Variants in RFXANK observed in about 807,000 individuals in gnomAD.
RFXANK encodes regulatory factor X associated ankyrin containing protein.
Under a neutral mutation model 34.5 loss-of-function variants are expected in RFXANK, and 19 were observed. The ratio of observed to expected loss-of-function variants is 0.55; its 90% CI spans 0.38 to 0.81. RFXANK has a LOEUF of 0.81. Among genes scored for constraint, RFXANK ranks in the 30% least tolerant of loss-of-function variants. The pLI is 0.00. For missense variants in RFXANK, 295 were observed against 343.5 expected (o/e 0.86, Z 1.12); for synonymous variants, 154 against 149.8 (o/e 1.03, Z -0.20).
intron 8 of RFXANK, 30 bp downstream of exon 8, chr19:19,198,753 GC>G (rs1568581941): frequency 6.2e-7 from 1 of 1,610,512 alleles, no homozygotes. Flanking sequence ...GGCCCTGGGG[GC>G]CCCAGCACTC....
chr19:19,201,761 G>C lies in RFXANK; in HGVS notation c.*42G>C. ...ACTCAGACACTCAGGGAACAAAATG[G>C]TCAGCCAGAGCTGGGGAAACCCAGA... On this transcript the variant is annotated 3_prime_UTR_variant, in exon 10 of 10. Transcript: ENST00000303088. 4.3e-6 allele frequency: 7 copies of C among 1,613,580 alleles called. No individual in the cohort carries two copies. The highest frequency in any genetic ancestry group is 5.9e-6 in the Non-Finnish European group (7 of 1,179,910).
chr19:19,200,277 A>C (rs545960336), intron 9 of RFXANK, among the ~76,000 whole-genome samples: 100 of 149,532 alleles, frequency 6.7e-4, no homozygotes, highest in African/African-American at 2.3e-3. Flanking sequence ...TCCCAGGTTC[A>C]AGCGATTCTC....
intron 7 of RFXANK, 59 bp downstream of exon 7, chr19:19,198,291 A>T: frequency 6.2e-7 from 1 of 1,607,756 alleles, no homozygotes; most frequent in Non-Finnish European, 8.5e-7. Context: ...CCTGCCTCAA[A>T]TGTTCACAGA....
At chr19:19,196,682 T>C (rs1440040097) in intron 3 of RFXANK, among the ~76,000 whole-genome samples, 1 of 151,660 alleles carries the variant, frequency 6.6e-6, no homozygotes, top group East Asian at 1.9e-4. Context: ...CTGGCCAACA[T>C]AGCGAAACCC....
chr19:19,193,719 C>G (rs914686851), intron 2 of RFXANK, among the ~76,000 whole-genome samples: 1 of 152,050 alleles, frequency 6.6e-6, no homozygotes, highest in East Asian at 1.9e-4. Flanking sequence ...CTGCCAGAGC[C>G]CAGGCTCTTA....
chr19:19,195,343 C>G (rs2060581516), intron 3 of RFXANK, among the ~76,000 whole-genome samples: 1 of 139,306 alleles, frequency 7.2e-6, no homozygotes, highest in Non-Finnish European at 1.5e-5. Flanking sequence ...GAGACAGAAT[C>G]TTGCTCTGTT....
chr19:19,195,240 T>C (rs950245403), intron 3 of RFXANK, among the ~76,000 whole-genome samples: 2 of 148,902 alleles, frequency 1.3e-5, no homozygotes, highest in Non-Finnish European at 3.0e-5. Context: ...GGTTTGCTTT[T>C]GTTGCCCAGG....
rs1197099934 is a variant in RFXANK at position 19,194,121 on chromosome 19, T to G, written c.175T>G (p.Ser59Ala). ...GAATCCTGAACCGGATGCCAGTGTTTCCTCTCCACAGGGTAGGATACCTCC... is the reference window on the plus strand; with the variant it reads ...GAATCCTGAACCGGATGCCAGTGTTGCCTCTCCACAGGGTAGGATACCTCC... The part of the protein sequence containing the change: ...PVNPEPDASV[S>A]SPQAGSSLKH... Residue 59 changes from serine to alanine, a missense_variant, in exon 3 of 10, where the codon TCC becomes GCC. Transcript: ENST00000303088. 1 of 1,614,200 alleles carries G rather than the reference T, an allele frequency of 6.2e-7. No individual in the cohort carries two copies. The highest frequency in any genetic ancestry group is 1.7e-5 in the Admixed American group (1 of 60,002).
chr19:19,201,732 G>T lies in RFXANK; in HGVS notation c.*13G>T. On this transcript the variant is annotated 3_prime_UTR_variant, in exon 10 of 10. Coordinates refer to ENST00000303088, the MANE Select transcript of RFXANK (RefSeq NM_003721.4). ...TGACCCTGAGTGAAGGCCGCCTGCC[G>T]GGGACTCAGACACTCAGGGAACAAA... 1 of 1,613,700 alleles carries T rather than the reference G, an allele frequency of 6.2e-7. No individual in the cohort carries two copies. Among genetic ancestry groups the T allele is most frequent in the Non-Finnish European group, 8.5e-7 (1 of 1,179,948 alleles).
At chr19:19,198,038 C>T in intron 6 of RFXANK, 69 bp from the exon 7 acceptor site, 1 of 1,579,954 alleles carries the variant, frequency 6.3e-7, no homozygotes. Context: ...GATGCGGCTG[C>T]TGTGGGTACC....
At position 19,197,565 on chromosome 19, in the gene RFXANK, C is replaced by T; in HGVS notation, c.382C>T (p.Leu128Phe). The T allele has an allele frequency of 6.2e-7, 1 of 1,613,954 alleles. No individual in the cohort carries two copies. The highest frequency in any genetic ancestry group is 8.5e-7 in the Non-Finnish European group (1 of 1,180,030). The part of the protein sequence containing the change: ...NKPDERGFTP[L>F]IWASAFGEIE... ...GCCAGACGAGCGCGGCTTCACCCCCCTCATCTGGGCCTCCGCCTTTGGAGA... is the reference window on the plus strand; with the variant it reads ...GCCAGACGAGCGCGGCTTCACCCCCTTCATCTGGGCCTCCGCCTTTGGAGA... The change falls in exon 6 of 10, where the codon CTC (leucine) becomes TTC (phenylalanine). Residue 128 changes from leucine (L) to phenylalanine (F), a missense_variant. Physicochemically the swap from Leu to Phe is conservative, Grantham distance 22. Coordinates refer to ENST00000303088, the MANE Select transcript of RFXANK (RefSeq NM_003721.4).
At chr19:19,196,769 G>T (rs1321246273) in intron 3 of RFXANK, among the ~76,000 whole-genome samples, 194 bp from the exon 4 acceptor site, 1 of 152,060 alleles carries the variant, frequency 6.6e-6, no homozygotes, top group Non-Finnish European at 1.5e-5. Flanking sequence ...GGAGGCTGAG[G>T]CACAAGAATC....
At chr19:19,201,320 C>G (rs2060711016) in intron 9 of RFXANK, 17 of 720,250 alleles carry the variant, frequency 2.4e-5, no homozygotes, top group Non-Finnish European at 3.9e-5. Flanking sequence ...TCAAGCAGTC[C>G]TCCCCACTGG....
rs977470464 is a variant in RFXANK, at chr19:19,197,441, C to G, written c.338-80C>G. On this transcript the variant is annotated intron_variant, in intron 5 of 9. Transcript: ENST00000303088. The stretch of plus-strand genomic sequence containing the variant: ...CATTCCCCTGTCTAACCCCAGCCCC[C>G]CACCTCGTCCCCATTTGGCAGCACT... The G allele has an allele frequency of 3.9e-5, 57 of 1,445,068 alleles. 2 individuals carry two copies. The South Asian group carries it at 6.7e-4, about 17-fold the overall frequency. 89.5% of individuals were successfully genotyped at this position (1,445,068 alleles called of 1,614,324 possible). A position where few individuals can be genotyped will look rare whatever the true frequency, so the allele number is the denominator to read the frequency against.
intron 2 of RFXANK, among the ~76,000 whole-genome samples, chr19:19,193,420 T>G (rs951712073): frequency 2.1e-5 from 3 of 140,270 alleles, no homozygotes; most frequent in Non-Finnish European, 4.6e-5. Flanking sequence ...TTCTTTTTTT[T>G]TTTTTTTTTT....
In RFXANK at chr19:19,194,143, C is replaced by T. The variant is rs1201883574; in HGVS notation, c.187+10C>T. On this transcript the variant is annotated intron_variant, in intron 3 of 9. Transcript: ENST00000303088. ...GTTTCCTCTCCACAGGGTAGGATAC[C>T]TCCTCTGGGATTAGCCCTCTGGGAT... The T allele has an allele frequency of 1.9e-6, 3 of 1,613,378 alleles. No homozygotes were observed. Among genetic ancestry groups the T allele is most frequent in the African/African-American group, 2.7e-5 (2 of 74,920 alleles).
chr19:19,199,821 T>G (rs973223475), intron 9 of RFXANK, among the ~76,000 whole-genome samples: 1 of 152,282 alleles, frequency 6.6e-6, no homozygotes, highest in African/African-American at 2.4e-5. Flanking sequence ...CCATTTTCTC[T>G]GTCACAATGG....
intron 5 of RFXANK, 110 bp from the exon 6 acceptor site, chr19:19,197,411 C>A: frequency 8.2e-7 from 1 of 1,226,652 alleles, no homozygotes; most frequent in East Asian, 2.5e-5. Flanking sequence ...ACATACGCTC[C>A]CCCTCATTCC....
intron 6 of RFXANK, 74 bp from the exon 7 acceptor site, chr19:19,198,033 G>T (rs535811523): frequency 5.9e-5 from 92 of 1,559,206 alleles, no homozygotes; most frequent in Non-Finnish European, 7.6e-5. Context: ...AAAAAGATGC[G>T]GCTGCTGTGG....
Sources: allele counts gnomAD v4.1 joint callset (sites outside exome capture counted in the v4.1 genomes callset), GRCh38; gene constraint gnomAD v4.1.1; transcripts MANE v1.5; gene names NCBI Gene and HGNC (gene_info 2026-07-23, HGNC 2026-07-21).